The following SLC24A3 variants were observed in gnomAD, a reference collection of about 807,000 sequenced individuals.
SLC24A3 encodes solute carrier family 24 member 3, also known as sodium/potassium/calcium exchanger 3.
Under a neutral mutation model 75.8 loss-of-function variants are expected in SLC24A3, and 28 were observed. That is an observed-to-expected ratio of 0.37 (90% CI 0.27 to 0.51). The LOEUF is 0.51. Ranked by LOEUF, SLC24A3 falls within the 20% of genes least tolerant of loss-of-function variation. The pLI, the probability that SLC24A3 is intolerant of heterozygous loss-of-function variation, is 0.94. For missense variants in SLC24A3, 663 were observed against 847.8 expected (o/e 0.78, Z 2.71); for synonymous variants, 372 against 334.1 (o/e 1.11, Z -1.24).
chr20:19,408,588 C>G (rs980891543), intron 2 of SLC24A3, among the ~76,000 whole-genome samples: 3 of 152,044 alleles, frequency 2.0e-5, no homozygotes, highest in Non-Finnish European at 4.4e-5. Flanking sequence ...CAGGGTTTCA[C>G]CATGTTGGCC....
At chr20:19,376,607 T>C (rs1486602648) in intron 2 of SLC24A3, among the ~76,000 whole-genome samples, 1 of 151,758 alleles carries the variant, frequency 6.6e-6, no homozygotes, top group African/African-American at 2.4e-5. Context: ...GTGTTCCAAG[T>C]TTTCTGAAAG....
At chr20:19,419,823 T>TTG (rs1491316316) in intron 2 of SLC24A3, among the ~76,000 whole-genome samples, 20 of 92,364 alleles carry the variant, frequency 2.2e-4, no homozygotes, top group African/African-American at 1.2e-3. Flanking sequence ...GACAGCCAAG[T>TTG]TTTTTTTTTT....
At chr20:19,446,150 A>G (rs530629305) in intron 2 of SLC24A3, among the ~76,000 whole-genome samples, 49 of 152,290 alleles carry the variant, frequency 3.2e-4, no homozygotes, top group Admixed American at 1.2e-3. Flanking sequence ...CCTTAAGAAC[A>G]TTCAGGAAGG....
intron 2 of SLC24A3, among the ~76,000 whole-genome samples, chr20:19,467,398 A>G (rs1987784854): frequency 6.6e-6 from 1 of 152,234 alleles, no homozygotes; most frequent in Admixed American, 6.5e-5. Flanking sequence ...TTGTACATAT[A>G]AAGAATAGAT....
intron 3 of SLC24A3, among the ~76,000 whole-genome samples, chr20:19,549,168 C>T (rs1385887702): frequency 6.6e-6 from 1 of 152,196 alleles, no homozygotes; most frequent in Non-Finnish European, 1.5e-5. Context: ...AACTCAGTCA[C>T]ATGATGGCAC....
rs1305190229 is a variant in SLC24A3, at chr20:19,584,829, A to T, written c.424-142A>T. The T allele has an allele frequency of 7.7e-6, 5 of 648,552 alleles. No individual in the cohort carries two copies. In the East Asian group the frequency reaches 1.4e-4, roughly 18 times the overall value. 40.2% of individuals were successfully genotyped at this position (648,552 alleles called of 1,614,324 possible). A position where few individuals can be genotyped will look rare whatever the true frequency, so the allele number is the denominator to read the frequency against. On this transcript the variant is annotated intron_variant, in intron 4 of 16. Transcript: ENST00000328041. ...AGAAGGAGGCTGAGAGGGACTAAGT[A>T]CCAGCCCCAGGTCCCATCGGTCCTA...
At chr20:19,216,705 G>A (rs1981569183) in intron 1 of SLC24A3, among the ~76,000 whole-genome samples, 1 of 152,166 alleles carries the variant, frequency 6.6e-6, no homozygotes, top group Non-Finnish European at 1.5e-5. Context: ...ATGAATGTAT[G>A]TATGTATTTA....
intron 2 of SLC24A3, among the ~76,000 whole-genome samples, chr20:19,293,472 A>G (rs1034164272): frequency 5.3e-5 from 8 of 151,994 alleles, no homozygotes; most frequent in African/African-American, 1.9e-4. Flanking sequence ...CCTGGCCAAC[A>G]TCGTGAAAAC....
intron 15 of SLC24A3, among the ~76,000 whole-genome samples, chr20:19,713,936 C>T (rs1356022496): frequency 6.6e-6 from 1 of 152,158 alleles, no homozygotes; most frequent in Admixed American, 6.5e-5. Context: ...GAGTCCATGC[C>T]TTAAACCAGA....
intron 2 of SLC24A3, among the ~76,000 whole-genome samples, chr20:19,323,288 T>A (rs961537499): frequency 1.3e-5 from 2 of 151,980 alleles, no homozygotes; most frequent in Non-Finnish European, 2.9e-5. Flanking sequence ...TAGAGCTTTG[T>A]AATTATAAGC....
At chr20:19,357,002 A>T (rs1435065843) in intron 2 of SLC24A3, among the ~76,000 whole-genome samples, 1 of 152,142 alleles carries the variant, frequency 6.6e-6, no homozygotes, top group Non-Finnish European at 1.5e-5. Context: ...GGAACCTGTG[A>T]ATATTGCTTT....
intron 2 of SLC24A3, among the ~76,000 whole-genome samples, chr20:19,349,035 G>A (rs1307219324): frequency 1.3e-5 from 2 of 152,110 alleles, no homozygotes; most frequent in Non-Finnish European, 2.9e-5. Flanking sequence ...TGTTCCTTTA[G>A]GAACAGGTGC....
At chr20:19,616,465 T>A (rs562861722) in intron 6 of SLC24A3, among the ~76,000 whole-genome samples, 1 of 152,248 alleles carries the variant, frequency 6.6e-6, no homozygotes, top group Non-Finnish European at 1.5e-5. Flanking sequence ...GGGGACAACA[T>A]GTTAGGGGAG....
At chr20:19,634,565 T>C (rs924752678) in intron 6 of SLC24A3, among the ~76,000 whole-genome samples, 1 of 149,054 alleles carries the variant, frequency 6.7e-6, no homozygotes, top group Non-Finnish European at 1.5e-5. Context: ...CTAATAGTGC[T>C]CAACAATAAA....
intron 2 of SLC24A3, among the ~76,000 whole-genome samples, chr20:19,327,398 A>T (rs531580602): frequency 1.3e-5 from 2 of 152,370 alleles, no homozygotes; most frequent in African/African-American, 4.8e-5. Flanking sequence ...CGGATGGAAC[A>T]TATGAGCAAC....
chr20:19,471,478 T>C (rs1232398686), intron 2 of SLC24A3, among the ~76,000 whole-genome samples: 1 of 152,194 alleles, frequency 6.6e-6, no homozygotes, highest in African/African-American at 2.4e-5. Context: ...TTCTAGATGT[T>C]GAATGCATGT....
chr20:19,599,069 C>A (rs1195730133), intron 6 of SLC24A3, among the ~76,000 whole-genome samples: 2 of 152,130 alleles, frequency 1.3e-5, no homozygotes, highest in Non-Finnish European at 2.9e-5. Flanking sequence ...TGTATCAACC[C>A]CATGGTGTCG....
At chr20:19,522,678 G>T (rs1397058382) in intron 3 of SLC24A3, among the ~76,000 whole-genome samples, 1 of 152,216 alleles carries the variant, frequency 6.6e-6, no homozygotes, top group Non-Finnish European at 1.5e-5. Flanking sequence ...AATCCATTCA[G>T]ACGGAGCTGC....
chr20:19,474,065 A>G (rs1011627286), intron 2 of SLC24A3, among the ~76,000 whole-genome samples: 4 of 152,222 alleles, frequency 2.6e-5, no homozygotes, highest in African/African-American at 4.8e-5. Context: ...CTTACTCAAC[A>G]CGGGTCCCTG....
Sources: allele counts gnomAD v4.1 joint callset (sites outside exome capture counted in the v4.1 genomes callset), GRCh38; gene constraint gnomAD v4.1.1; transcripts MANE v1.5; gene names NCBI Gene and HGNC (gene_info 2026-07-23, HGNC 2026-07-21).